The following MSH6 variants were observed in gnomAD, a reference collection of about 807,000 sequenced individuals.
The protein encoded by MSH6 is mutS homolog 6.
In MSH6, 85 loss-of-function variants were observed where a neutral mutation model predicts 119.1. The ratio of observed to expected loss-of-function variants is 0.71; its 90% CI spans 0.60 to 0.85. The LOEUF (loss-of-function observed/expected upper bound fraction) is 0.85. MSH6 is among the 40% of genes least tolerant of loss of function. MSH6 has a pLI of 0.00. For missense variants in MSH6, 2,163 were observed against 1,655.3 expected (o/e 1.31, Z -5.32); for synonymous variants, 830 against 586.9 (o/e 1.41, Z -5.99).
In MSH6 at chr2:47,800,605, C is replaced by A. The variant is rs1200093419; in HGVS notation, c.2622C>A (p.Ile874=). ...GFKVMCKIIG[I]MEEVADGFKS... Reference sequence around the variant, plus strand: ...AAGTAATGTGTAAAATTATAGGGATCATGGAAGAAGTTGCTGATGGTTTTA... The same window carrying A: ...AAGTAATGTGTAAAATTATAGGGATAATGGAAGAAGTTGCTGATGGTTTTA... Residue 874 remains isoleucine (I), a synonymous_variant, in exon 4 of 10, where the codon ATC becomes ATA. Coordinates refer to ENST00000234420, the MANE Select transcript of MSH6 (RefSeq NM_000179.3). The A allele has an allele frequency of 6.2e-7, 1 of 1,614,066 alleles. No homozygotes were observed. The highest frequency in any genetic ancestry group is 1.1e-5 in the South Asian group (1 of 91,058).
chr2:47,807,942 A>G (rs189172843), downstream of MSH6: 192 of 605,586 alleles, frequency 3.2e-4, 1 homozygote, highest in African/African-American at 3.1e-3. Flanking sequence ...ATCCTGAGTC[A>G]ATATATTGCC....
At chr2:47,807,632 G>A (rs1372255190), downstream of MSH6, 2 of 221,116 alleles carry the variant, frequency 9.0e-6, no homozygotes, top group Non-Finnish European at 1.8e-5. Context: ...TGAGATTAAA[G>A]CATTAAAATC....
intron 2 of MSH6, among the ~76,000 whole-genome samples, 181 bp from the exon 3 acceptor site, chr2:47,795,713 C>G (rs146979181): frequency 6.6e-6 from 1 of 151,618 alleles, no homozygotes; most frequent in Non-Finnish European, 1.5e-5. Flanking sequence ...TCAAGTAGTC[C>G]GCCCACCTAA....
At chr2:47,804,260 A>T (rs1210855380) in intron 5 of MSH6, among the ~76,000 whole-genome samples, 2 of 152,034 alleles carry the variant, frequency 1.3e-5, no homozygotes, top group Non-Finnish European at 2.9e-5. Flanking sequence ...ACAGATGTAC[A>T]CCATCATGCC....
chr2:47,793,059 A>G (rs1468196223), intron 2 of MSH6, among the ~76,000 whole-genome samples: 4 of 151,416 alleles, frequency 2.6e-5, no homozygotes, highest in Non-Finnish European at 5.9e-5. Flanking sequence ...GGTGGCTCAC[A>G]CCTGTAATCC....
At chr2:47,783,864 C>A in intron 1 of MSH6, 2 of 879,544 alleles carry the variant, frequency 2.3e-6, no homozygotes, top group Non-Finnish European at 2.6e-6. Context: ...GGGGGTGGGG[C>A]GAGAAGGGGA....
intron 4 of MSH6, 125 bp from the exon 5 acceptor site, chr2:47,803,295 C>G (rs576376239): frequency 7.9e-7 from 1 of 1,266,562 alleles, no homozygotes; most frequent in East Asian, 2.4e-5. Flanking sequence ...TGGGGGAGAT[C>G]GTTGGACTGT....
intron 1 of MSH6, 101 bp downstream of exon 1, chr2:47,783,594 C>A (rs267608030): frequency 1.6e-6 from 2 of 1,231,410 alleles, no homozygotes; most frequent in Non-Finnish European, 2.1e-6. Context: ...GGTGCACGGC[C>A]TGGCCCTGGG....
intron 1 of MSH6, chr2:47,784,492 T>C (rs1668225418): frequency 6.6e-6 from 1 of 150,742 alleles, no homozygotes; most frequent in African/African-American, 2.5e-5. Flanking sequence ...TGAGAGAGAG[T>C]TTCGCTCAAG....
intron 4 of MSH6, 125 bp from the exon 5 acceptor site, chr2:47,803,295 C>T (rs576376239): frequency 5.4e-5 from 68 of 1,266,556 alleles, no homozygotes; most frequent in Middle Eastern, 2.1e-4. Flanking sequence ...TGGGGGAGAT[C>T]GTTGGACTGT....
rs1453645523 is a variant in MSH6, at chr2:47,799,446, C to T, written c.1463C>T (p.Thr488Ile). Reference sequence around the variant, plus strand: ...GTAGCACGAGTGGAACAGACTGAGACTCCAGAAATGATGGAGGCACGATGT... The same window carrying T: ...GTAGCACGAGTGGAACAGACTGAGATTCCAGAAATGATGGAGGCACGATGT... Reference protein sequence around the residue: ...YKVARVEQTETPEMMEARCRK... With the variant: ...YKVARVEQTEIPEMMEARCRK... Residue 488 changes from threonine to isoleucine, a missense_variant, in exon 4 of 10, where the codon ACT becomes ATT. Thr to Ile is a moderately conservative substitution (Grantham distance 89). Coordinates refer to ENST00000234420, the MANE Select transcript of MSH6 (RefSeq NM_000179.3). 1.2e-6 allele frequency: 2 copies of T among 1,614,066 alleles called. No homozygotes were observed. The highest frequency in any genetic ancestry group is 1.7e-6 in the Non-Finnish European group (2 of 1,180,032).
In MSH6 at chr2:47,791,777, C is replaced by G. The variant is rs557194714; in HGVS notation, c.457+654C>G. Reference sequence around the variant, plus strand: ...CACTGCAACCTCCGTCTCCTGGGTTCAAGAGTTTCCTACCTCAGCCTCCCG... The same window carrying G: ...CACTGCAACCTCCGTCTCCTGGGTTGAAGAGTTTCCTACCTCAGCCTCCCG... On this transcript the variant is annotated intron_variant, in intron 2 of 9. Coordinates refer to ENST00000234420, the MANE Select transcript of MSH6 (RefSeq NM_000179.3). Among the ~76,000 whole-genome samples, 5 of 150,024 alleles carry G rather than the reference C, an allele frequency of 3.3e-5. No homozygotes were observed. The South Asian group carries it at 1.1e-3, about 32-fold the overall frequency.
chr2:47,806,996 T>TTC, downstream of MSH6: 3 of 718,260 alleles, frequency 4.2e-6, no homozygotes, highest in Non-Finnish European at 7.3e-6. Flanking sequence ...CCCTTTTAAT[T>TTC]CTTATCTACC....
chr2:47,796,011 A>C lies in MSH6; in HGVS notation c.575A>C (p.Glu192Ala), dbSNP rs375757570. 4 of 1,614,188 alleles carry C rather than the reference A, an allele frequency of 2.5e-6. No individual in the cohort carries two copies. Among genetic ancestry groups the C allele is most frequent in the Non-Finnish European group, 3.4e-6 (4 of 1,180,046 alleles). The change falls in exon 3 of 10, where the codon GAA (glutamate) becomes GCA (alanine). Residue 192 changes from glutamate (E) to alanine (A), a missense_variant. By Grantham distance (107) the Glu-to-Ala change is moderately radical. Transcript: ENST00000234420. Reference sequence around the variant, plus strand: ...AATAAAGACAAGATTAAGAGGCTTGAATTGGCAGTTTGTGATGAGCCCTCA... The same window carrying C: ...AATAAAGACAAGATTAAGAGGCTTGCATTGGCAGTTTGTGATGAGCCCTCA... ...ALNKDKIKRL[E>A]LAVCDEPSEP...
rs751309721 is a variant in MSH6 at position 47,798,852 on chromosome 2, T to G, written c.869T>G (p.Leu290Arg). 6.2e-6 allele frequency: 10 copies of G among 1,614,114 alleles called. No homozygotes were observed. The highest frequency in any genetic ancestry group is 8.5e-6 in the Non-Finnish European group (10 of 1,180,024). The change falls in exon 4 of 10, where the codon CTG becomes CGG. Residue 290 changes from leucine to arginine, a missense_variant. By Grantham distance (102) the Leu-to-Arg change is moderately radical. Coordinates refer to ENST00000234420, the MANE Select transcript of MSH6 (RefSeq NM_000179.3). ...SGVGDSESEG[L>R]NSPVKVARKR... ...GTGGGGGATAGTGAGAGTGAAGGCCTGAACAGCCCTGTCAAAGTTGCTCGA... is the reference window on the plus strand; with the variant it reads ...GTGGGGGATAGTGAGAGTGAAGGCCGGAACAGCCCTGTCAAAGTTGCTCGA...
intron 1 of MSH6, chr2:47,783,975 C>A: frequency 1.9e-6 from 2 of 1,035,910 alleles, no homozygotes; most frequent in Non-Finnish European, 2.3e-6. Context: ...GTGTGGGGTG[C>A]GAAAGGAGGT....
downstream of MSH6, chr2:47,807,091 C>T (rs1025593494): frequency 7.7e-6 from 4 of 519,398 alleles, no homozygotes; most frequent in African/African-American, 7.7e-5. Flanking sequence ...CTGTTTTATA[C>T]CCACTGTCAC....
In MSH6 at chr2:47,800,444, C is replaced by G. The variant is rs1406567431; in HGVS notation, c.2461C>G (p.Leu821Val). 1 of 1,613,900 alleles carries G rather than the reference C, an allele frequency of 6.2e-7. No individual in the cohort carries two copies. The highest frequency in any genetic ancestry group is 2.2e-5 in the East Asian group (1 of 44,884). ...AAAGAAGCTTCCAGATCTTGAGAGGCTACTCAGTAAAATTCATAATGTTGG... is the reference window on the plus strand; with the variant it reads ...AAAGAAGCTTCCAGATCTTGAGAGGGTACTCAGTAAAATTCATAATGTTGG... ...LLKKLPDLERLLSKIHNVGSP... is the reference protein window; with the variant it reads ...LLKKLPDLERVLSKIHNVGSP... Residue 821 changes from leucine (L) to valine (V), a missense_variant, in exon 4 of 10, where the codon CTA becomes GTA. Coordinates refer to ENST00000234420, the MANE Select transcript of MSH6 (RefSeq NM_000179.3).
intron 4 of MSH6, among the ~76,000 whole-genome samples, chr2:47,802,591 C>T (rs954532773): frequency 8.6e-5 from 13 of 150,406 alleles, no homozygotes; most frequent in African/African-American, 1.5e-4. Context: ...CCTTGATCTC[C>T]GAAAGAGCTG....
Sources: allele counts gnomAD v4.1 joint callset (sites outside exome capture counted in the v4.1 genomes callset), GRCh38; gene constraint gnomAD v4.1.1; transcripts MANE v1.5; gene names NCBI Gene and HGNC (gene_info 2026-07-23, HGNC 2026-07-21).